The following MAP2 variants were observed in gnomAD, a reference collection of about 807,000 sequenced individuals.
MAP2 encodes microtubule-associated protein 2.
In MAP2, 14 loss-of-function variants were observed where a neutral mutation model predicts 137.6. The ratio of observed to expected loss-of-function variants is 0.10; its 90% CI spans 0.07 to 0.16. The LOEUF (loss-of-function observed/expected upper bound fraction) is 0.16, where lower values mean the gene tolerates loss of function less well. Among genes scored for constraint, MAP2 ranks in the 10% least tolerant of loss-of-function variants. The pLI is 1.00. For missense variants in MAP2, 2,088 were observed against 2,191.5 expected (o/e 0.95, Z 0.94); for synonymous variants, 786 against 782.3 (o/e 1.00, Z -0.08).
intron 3 of MAP2, among the ~76,000 whole-genome samples, chr2:209,588,955 C>A (rs1346190759): frequency 2.0e-5 from 3 of 152,066 alleles, no homozygotes; most frequent in Non-Finnish European, 2.9e-5. Context: ...ATAATTCTGG[C>A]TGTACTTTTC....
At chr2:209,580,645 TGTTA>T (rs1177798559) in intron 3 of MAP2, among the ~76,000 whole-genome samples, 1 of 152,192 alleles carries the variant, frequency 6.6e-6, no homozygotes, top group Non-Finnish European at 1.5e-5. Context: ...AGGCCGAGGT[TGTTA>T]GTTCTTAAAA....
intron 3 of MAP2, among the ~76,000 whole-genome samples, chr2:209,604,218 A>G (rs536563178): frequency 2.6e-5 from 4 of 152,200 alleles, no homozygotes; most frequent in Admixed American, 6.6e-5. Flanking sequence ...CACAACTTCA[A>G]TTCAGTTTTC....
At chr2:209,498,801 C>G (rs569845995) in intron 1 of MAP2, among the ~76,000 whole-genome samples, 2 of 152,304 alleles carry the variant, frequency 1.3e-5, no homozygotes, top group South Asian at 4.1e-4. Flanking sequence ...AAGGCTGTGC[C>G]AGGCAATGGG....
At chr2:209,566,213 A>C (rs2073379340) in intron 2 of MAP2, among the ~76,000 whole-genome samples, 1 of 152,176 alleles carries the variant, frequency 6.6e-6, no homozygotes, top group African/African-American at 2.4e-5. Flanking sequence ...GTGGAGGACC[A>C]ACCATCCTAA....
At chr2:209,493,526 GCTAT>G (rs956878948) in intron 1 of MAP2, among the ~76,000 whole-genome samples, 5 of 152,160 alleles carry the variant, frequency 3.3e-5, no homozygotes, top group Non-Finnish European at 7.4e-5. Context: ...GAAAATTTTT[GCTAT>G]CTATCCATCT....
chr2:209,482,990 G>A (rs1269964497), intron 1 of MAP2, among the ~76,000 whole-genome samples: 3 of 152,064 alleles, frequency 2.0e-5, no homozygotes, highest in East Asian at 3.8e-4. Context: ...GTAGATTTTA[G>A]TATCTTTTTT....
At chr2:209,550,860 A>C (rs1261276641) in intron 2 of MAP2, among the ~76,000 whole-genome samples, 1 of 152,176 alleles carries the variant, frequency 6.6e-6, no homozygotes, top group African/African-American at 2.4e-5. Flanking sequence ...GTTTGGTCAG[A>C]TCTCAGTTTC....
At chr2:209,584,274 G>A (rs1173288004) in intron 3 of MAP2, among the ~76,000 whole-genome samples, 1 of 152,040 alleles carries the variant, frequency 6.6e-6, no homozygotes, top group Non-Finnish European at 1.5e-5. Context: ...ATGAATAGAA[G>A]TATTCAAGGG....
chr2:209,588,972 A>G (rs932184956), intron 3 of MAP2, among the ~76,000 whole-genome samples: 1 of 152,196 alleles, frequency 6.6e-6, no homozygotes, highest in African/African-American at 2.4e-5. Context: ...TTTCCTCTGT[A>G]GGAAAGTGGA....
At chr2:209,667,819 G>A (rs150567346) in intron 5 of MAP2, among the ~76,000 whole-genome samples, 329 of 151,922 alleles carry the variant, frequency 2.2e-3, no homozygotes, top group African/African-American at 7.5e-3. Flanking sequence ...TGCCTACCTA[G>A]GACCGGCCCT....
intron 2 of MAP2, among the ~76,000 whole-genome samples, chr2:209,536,188 A>G (rs1274057273): frequency 6.6e-6 from 1 of 152,222 alleles, no homozygotes; most frequent in Non-Finnish European, 1.5e-5. Flanking sequence ...TCTGTGCCAT[A>G]AGCTGGACTA....
At chr2:209,446,569 G>T (rs1575041334) in intron 1 of MAP2, among the ~76,000 whole-genome samples, 1 of 151,920 alleles carries the variant, frequency 6.6e-6, no homozygotes, top group South Asian at 2.1e-4. Flanking sequence ...ACCTAGAACT[G>T]CCTAGACATG....
At chr2:209,456,994 T>C (rs1424106026) in intron 1 of MAP2, among the ~76,000 whole-genome samples, 1 of 152,012 alleles carries the variant, frequency 6.6e-6, no homozygotes, top group Non-Finnish European at 1.5e-5. Flanking sequence ...CACAAACACA[T>C]GCACAGATCA....
In MAP2 at chr2:209,451,817, AC is replaced by A. The variant is rs542290281; in HGVS notation, c.-222+27542del. On this transcript the variant is annotated intron_variant, in intron 1 of 15. Transcript: ENST00000682079. ...GAAATTCTAAGCTCCATTTTGGGGG[AC>A]TCAGTAAGGACTTTATCTTTAGGTG... is the stretch of plus-strand genomic sequence containing the variant. Among the ~76,000 whole-genome samples the A allele has an allele frequency of 1.4e-4, 22 of 152,102 alleles. 1 individual carries two copies. The South Asian group carries it at 3.9e-3, about 27-fold the overall frequency.
intron 3 of MAP2, among the ~76,000 whole-genome samples, chr2:209,614,018 A>G (rs754917124): frequency 6.6e-6 from 1 of 152,156 alleles, no homozygotes; most frequent in Non-Finnish European, 1.5e-5. Context: ...TGGCTTAATT[A>G]TAGACATTAA....
intron 1 of MAP2, among the ~76,000 whole-genome samples, chr2:209,474,120 C>T (rs1706536109): frequency 2.4e-5 from 1 of 41,294 alleles, no homozygotes; most frequent in Non-Finnish European, 4.5e-5. Context: ...CTTAGATGCT[C>T]TCTATAGTGG....
intron 2 of MAP2, among the ~76,000 whole-genome samples, chr2:209,578,930 T>TG (rs1491527699): frequency 6.4e-5 from 9 of 141,432 alleles, no homozygotes; most frequent in African/African-American, 2.4e-4. Context: ...TAATTCTCTG[T>TG]TTTTTTTTTT....
intron 3 of MAP2, among the ~76,000 whole-genome samples, chr2:209,601,388 G>A (rs2082953291): frequency 6.6e-6 from 1 of 151,286 alleles, no homozygotes; most frequent in Admixed American, 6.6e-5. Flanking sequence ...TCTCTTGTTA[G>A]GCTTAACTCC....
intron 1 of MAP2, among the ~76,000 whole-genome samples, chr2:209,461,786 T>G (rs1006481054): frequency 6.6e-6 from 1 of 152,166 alleles, no homozygotes; most frequent in African/African-American, 2.4e-5. Context: ...ATTGTTTGTT[T>G]CTTTGGTCTC....
Sources: gnomAD v4.1 joint callset for allele counts (sites outside exome capture counted in the v4.1 genomes callset) on GRCh38, gnomAD v4.1.1 for gene constraint, MANE v1.5 for transcripts, NCBI Gene and HGNC (gene_info 2026-07-23, HGNC 2026-07-21) for gene names.